CHCHD3: variants seen among roughly 807,000 people sequenced by gnomAD.
CHCHD3 encodes MICOS complex subunit MIC19.
CHCHD3 carries 20 observed loss-of-function variants against 38.2 expected under a neutral mutation model. The ratio of observed to expected loss-of-function variants is 0.52; its 90% CI spans 0.37 to 0.76. The LOEUF (loss-of-function observed/expected upper bound fraction) is 0.76, where lower values mean the gene tolerates loss of function less well. Ranked by LOEUF, CHCHD3 falls within the 30% of genes least tolerant of loss-of-function variation. The probability of loss-of-function intolerance (pLI) is 0.00; values close to 1 mark genes in which losing one functional copy is unlikely to be tolerated. For synonymous variants in CHCHD3, 82 were observed against 100.0 expected (o/e 0.82, Z 1.07); for missense variants, 245 against 279.2 (o/e 0.88, Z 0.87).
At chr7:133,023,676 C>T (rs186622354) in intron 3 of CHCHD3, among the ~76,000 whole-genome samples, 214 of 152,248 alleles carry the variant, frequency 1.4e-3, no homozygotes, top group Middle Eastern at 0.01. Flanking sequence ...AAAATGTTTT[C>T]CCATCTTTTT....
In CHCHD3 at chr7:133,024,583, A is replaced by G. The variant is rs376283278; in HGVS notation, c.214T>C (p.Leu72=). ...LKRRVAEELA[L]EQAKKESEDQ... ...TCGGATTCTTTCTTGGCTTGCTCCA[A>G]TGCCAGCTCCTCAGCTACTCTTCTT... Residue 72 remains leucine, a synonymous_variant, in exon 3 of 8, where the codon TTG becomes CTG. Transcript: ENST00000262570. 2 of 1,613,950 alleles carry G rather than the reference A, an allele frequency of 1.2e-6. No homozygotes were observed. The highest frequency in any genetic ancestry group is 1.7e-6 in the Non-Finnish European group (2 of 1,179,836).
intron 4 of CHCHD3, among the ~76,000 whole-genome samples, chr7:132,905,799 A>T (rs372658709): frequency 3.2e-4 from 48 of 152,200 alleles, no homozygotes; most frequent in African/African-American, 1.1e-3. Context: ...CTAAGATGCA[A>T]TTCCTCTCCA....
chr7:132,933,843 C>A (rs1810572934), intron 4 of CHCHD3, among the ~76,000 whole-genome samples: 2 of 152,200 alleles, frequency 1.3e-5, no homozygotes, highest in Admixed American at 1.3e-4. Flanking sequence ...TGGGGACACA[C>A]ATACAGGACC....
At chr7:132,968,941 C>T (rs1050027312) in intron 4 of CHCHD3, among the ~76,000 whole-genome samples, 16 of 152,064 alleles carry the variant, frequency 1.1e-4, no homozygotes, top group African/African-American at 3.9e-4. Context: ...TTCTTTTTTA[C>T]CATGAAATTT....
At chr7:133,021,595 T>C (rs1266185326) in intron 3 of CHCHD3, among the ~76,000 whole-genome samples, 2 of 152,216 alleles carry the variant, frequency 1.3e-5, no homozygotes, top group African/African-American at 2.4e-5. Flanking sequence ...AAGTACTTAT[T>C]TCAACTATGC....
intron 5 of CHCHD3, among the ~76,000 whole-genome samples, chr7:132,875,217 G>C (rs956233271): frequency 2.0e-5 from 3 of 152,136 alleles, no homozygotes; most frequent in Non-Finnish European, 4.4e-5. Flanking sequence ...CGTAACTTCT[G>C]AGAAGGCCTG....
intron 3 of CHCHD3, among the ~76,000 whole-genome samples, chr7:132,985,650 C>T (rs1360572384): frequency 5.6e-5 from 4 of 70,994 alleles, no homozygotes; most frequent in South Asian, 4.8e-4. Context: ...CCCCTCTGCC[C>T]GGCCAGCCGC....
intron 3 of CHCHD3, among the ~76,000 whole-genome samples, chr7:132,996,548 A>C (rs1458577198): frequency 1.3e-5 from 2 of 152,214 alleles, no homozygotes; most frequent in African/African-American, 4.8e-5. Context: ...AAAGAGGTTT[A>C]TGTTAGGTCT....
intron 7 of CHCHD3, among the ~76,000 whole-genome samples, chr7:132,791,279 A>T (rs1252521103): frequency 1.3e-5 from 2 of 152,132 alleles, no homozygotes; most frequent in African/African-American, 2.4e-5. Flanking sequence ...GCTCACCCAC[A>T]TCTGAGATCT....
intron 2 of CHCHD3, among the ~76,000 whole-genome samples, chr7:133,055,515 TATA>T (rs1403202461): frequency 2.1e-5 from 3 of 142,200 alleles, no homozygotes; most frequent in Admixed American, 2.1e-4. Flanking sequence ...TTAATTATAA[TATA>T]ATTGTTACAT....
chr7:132,795,290 T>C (rs1385233419), intron 7 of CHCHD3, among the ~76,000 whole-genome samples: 2 of 152,202 alleles, frequency 1.3e-5, no homozygotes, highest in Non-Finnish European at 1.5e-5. Flanking sequence ...ATTAACAGCA[T>C]ATCAGAAGCT....
chr7:133,011,090 T>C (rs1003011848), intron 3 of CHCHD3, among the ~76,000 whole-genome samples: 1 of 152,128 alleles, frequency 6.6e-6, no homozygotes, highest in Non-Finnish European at 1.5e-5. Context: ...AGTGCAAATA[T>C]TCTGGACAAG....
chr7:132,872,452 T>G (rs1274096726), intron 5 of CHCHD3, among the ~76,000 whole-genome samples: 2 of 152,178 alleles, frequency 1.3e-5, no homozygotes, highest in Non-Finnish European at 2.9e-5. Flanking sequence ...GCTTGTGACT[T>G]CAATTTCTGG....
intron 5 of CHCHD3, among the ~76,000 whole-genome samples, chr7:132,868,434 C>CA (rs1352658789): frequency 6.6e-6 from 1 of 151,802 alleles, no homozygotes; most frequent in Non-Finnish European, 1.5e-5. Context: ...GTAATTTAGT[C>CA]AAAAAAATTA....
At position 132,975,199 on chromosome 7, in the gene CHCHD3, G is replaced by A. The variant is rs193039532; in HGVS notation, c.339C>T (p.Ser113=). The A allele has an allele frequency of 8.3e-5, 134 of 1,612,172 alleles. 1 individual carries two copies. The East Asian group carries it at 2.7e-3, about 33-fold the overall frequency. Residue 113 remains serine, a synonymous_variant, in exon 4 of 8, where the codon AGC becomes AGT. Transcript: ENST00000262570. ...GCTTTGCCTTAGCGCGTTCCTCCTC[G>A]CTACATATCCTCTCCCGAAGGATGG... ...TRAILRERIC[S]EEERAKAKHL...
At chr7:133,020,776 C>T (rs1200205963) in intron 3 of CHCHD3, among the ~76,000 whole-genome samples, 6 of 152,096 alleles carry the variant, frequency 3.9e-5, no homozygotes, top group South Asian at 2.1e-4. Flanking sequence ...GAGGTTTTGA[C>T]GGCATAGAAT....
chr7:132,995,669 T>C (rs922080636), intron 3 of CHCHD3, among the ~76,000 whole-genome samples: 3 of 152,198 alleles, frequency 2.0e-5, no homozygotes, highest in Non-Finnish European at 2.9e-5. Context: ...AGACAGAGCG[T>C]AAAACCTAGG....
At chr7:132,950,406 T>C (rs532674609) in intron 4 of CHCHD3, among the ~76,000 whole-genome samples, 6 of 152,318 alleles carry the variant, frequency 3.9e-5, no homozygotes, top group Admixed American at 1.3e-4. Flanking sequence ...TTTGCTTCTC[T>C]GAAGATCTCC....
At chr7:132,934,607 C>T (rs543254927) in intron 4 of CHCHD3, among the ~76,000 whole-genome samples, 26 of 152,282 alleles carry the variant, frequency 1.7e-4, no homozygotes, top group Non-Finnish European at 2.9e-4. Context: ...ATCACATTCC[C>T]CATTATAACT....
Sources: allele counts gnomAD v4.1 joint callset (sites outside exome capture counted in the v4.1 genomes callset), GRCh38; gene constraint gnomAD v4.1.1; transcripts MANE v1.5; gene names NCBI Gene and HGNC (gene_info 2026-07-23, HGNC 2026-07-21).